The following PRKX variants were observed in gnomAD, a reference collection of about 807,000 sequenced individuals.
PRKX encodes cAMP-dependent protein kinase catalytic subunit PRKX.
Under a neutral mutation model 22.0 loss-of-function variants are expected in PRKX, and 12 were observed. That is an observed-to-expected ratio of 0.54 (90% confidence interval 0.35 to 0.88). The LOEUF is 0.88. PRKX is among the 40% of genes least tolerant of loss of function. The pLI is 0.01. For synonymous variants in PRKX, 134 were observed against 137.7 expected (o/e 0.97, Z 0.19); for missense variants, 217 against 308.0 (o/e 0.70, Z 2.21).
At chrX:3,643,090 T>A (rs1338026811) in intron 3 of PRKX, among the ~76,000 whole-genome samples, 4 of 93,141 alleles carry the variant, frequency 4.3e-5, no homozygotes, top group Non-Finnish European at 6.1e-5. Flanking sequence ...AGCTTACGTA[T>A]GTTCTCTTTG....
chrX:3,627,782 C>T (rs1926692042), intron 4 of PRKX, among the ~76,000 whole-genome samples: 1 of 110,965 alleles, frequency 9.0e-6, no homozygotes, highest in African/African-American at 3.3e-5. Context: ...AACTCTTACG[C>T]AATGTTGGTG....
chrX:3,665,680 G>A (rs896108699), intron 2 of PRKX, among the ~76,000 whole-genome samples: 4 of 110,775 alleles, frequency 3.6e-5, no homozygotes, highest in East Asian at 2.8e-4. Flanking sequence ...GGCTTAGAAA[G>A]GAGGGAAATT....
intron 1 of PRKX, among the ~76,000 whole-genome samples, chrX:3,699,466 C>T (rs753884411): frequency 3.6e-5 from 4 of 111,525 alleles, no homozygotes; most frequent in Non-Finnish European, 7.5e-5. Context: ...GATTCTCTCA[C>T]GTCAGCCTCC....
At chrX:3,662,084 G>C (rs984452800) in intron 2 of PRKX, among the ~76,000 whole-genome samples, 1 of 111,655 alleles carries the variant, frequency 9.0e-6, no homozygotes, top group African/African-American at 3.3e-5. Flanking sequence ...CATAGTATCA[G>C]GAACGGCAGA....
chrX:3,686,643 C>T (rs1928184992), intron 1 of PRKX, among the ~76,000 whole-genome samples: 1 of 110,030 alleles, frequency 9.1e-6, no homozygotes, highest in African/African-American at 3.3e-5. Context: ...CTGCAACCTC[C>T]ACCTCCTGGG....
At chrX:3,684,759 C>A (rs1193139776) in intron 1 of PRKX, among the ~76,000 whole-genome samples, 1 of 111,379 alleles carries the variant, frequency 9.0e-6, no homozygotes, top group African/African-American at 3.3e-5. Context: ...TCCCTGTGTC[C>A]TCACAGGGTC....
At chrX:3,669,579 A>C (rs1021271806) in intron 2 of PRKX, among the ~76,000 whole-genome samples, 3 of 112,266 alleles carry the variant, frequency 2.7e-5, no homozygotes, top group Non-Finnish European at 5.6e-5. Flanking sequence ...CCCATGTGTC[A>C]GCACTGCTGA....
chrX:3,666,663 C>G (rs1232798938), intron 2 of PRKX, among the ~76,000 whole-genome samples: 1 of 110,599 alleles, frequency 9.0e-6, no homozygotes, highest in African/African-American at 3.3e-5. Flanking sequence ...CCCAGCTCAA[C>G]TTGAGAGCCT....
chrX:3,677,919 C>T (rs1161949634), intron 1 of PRKX, among the ~76,000 whole-genome samples: 2 of 111,886 alleles, frequency 1.8e-5, no homozygotes, highest in Non-Finnish European at 3.8e-5. Flanking sequence ...GAAATAGTAA[C>T]ACATTTTTAA....
chrX:3,610,807 T>C (rs1926279953), intron 8 of PRKX: 1 of 111,549 alleles, frequency 9.0e-6, no homozygotes, highest in African/African-American at 3.3e-5. Context: ...GGGTCCTTCA[T>C]ACTAAAGCAA....
Position 3,670,711 on chromosome X carries a change from ATTTTTGTAC to A in PRKX, c.335+3878_335+3886del, listed in dbSNP as rs771292970. On this transcript the variant is annotated intron_variant, in intron 2 of 8. Transcript: ENST00000262848. ...CAGGCCCCCCCACCACACCCAGCTA[ATTTTTGTAC>A]TTTTTGTAGAGACAGGGTCTTGCCA... Among the ~76,000 whole-genome samples, 28 of 109,987 alleles carry A rather than the reference ATTTTTGTAC, an allele frequency of 2.5e-4. No individual in the cohort carries two copies. In the East Asian group the frequency reaches 6.4e-3, roughly 25 times the overall value.
chrX:3,662,061 A>G (rs958635388), intron 2 of PRKX, among the ~76,000 whole-genome samples: 18 of 111,913 alleles, frequency 1.6e-4, no homozygotes, highest in African/African-American at 5.8e-4. Flanking sequence ...TGTGCCAAGT[A>G]ATGTTCTCGG....
At chrX:3,699,629 C>T (rs1290542087) in intron 1 of PRKX, among the ~76,000 whole-genome samples, 1 of 112,380 alleles carries the variant, frequency 8.9e-6, no homozygotes, top group Non-Finnish European at 1.9e-5. Context: ...GCTGGGATGA[C>T]AGGAGTGAGC....
chrX:3,617,868 C>T lies in PRKX; in HGVS notation c.874-1976G>A, dbSNP rs183874309. Among the ~76,000 whole-genome samples the T allele has an allele frequency of 4.1e-4, 45 of 109,686 alleles. No homozygotes were observed. In the East Asian group the frequency reaches 0.01, roughly 25 times the overall value. ...CAGGCGTGTAACAGTCTAACACATACGTTACCTACGGCACCTAATACTTGG... is the reference window on the plus strand; with the variant it reads ...CAGGCGTGTAACAGTCTAACACATATGTTACCTACGGCACCTAATACTTGG... On this transcript the variant is annotated intron_variant, in intron 6 of 8. Coordinates refer to ENST00000262848, the MANE Select transcript of PRKX (RefSeq NM_005044.5).
At chrX:3,640,199 G>T (rs747488077) in intron 4 of PRKX, among the ~76,000 whole-genome samples, 169 of 109,204 alleles carry the variant, frequency 1.5e-3, no homozygotes, top group African/African-American at 5.4e-3. Context: ...AACAGGAAAA[G>T]AGAGAACCTA....
intron 3 of PRKX, among the ~76,000 whole-genome samples, chrX:3,651,098 G>A (rs1927322831): frequency 9.5e-6 from 1 of 105,541 alleles, no homozygotes; most frequent in African/African-American, 3.5e-5. Flanking sequence ...TCGTTACAAT[G>A]ATGGTCAAAA....
chrX:3,620,118 C>A (rs1926524054), intron 6 of PRKX, among the ~76,000 whole-genome samples: 1 of 111,775 alleles, frequency 8.9e-6, no homozygotes, highest in African/African-American at 3.3e-5. Flanking sequence ...CACCTGCGCA[C>A]ACAAAACACC....
chrX:3,694,583 G>A (rs1928408357), intron 1 of PRKX, among the ~76,000 whole-genome samples: 1 of 108,861 alleles, frequency 9.2e-6, no homozygotes, highest in East Asian at 2.9e-4. Flanking sequence ...GCCTCCAGAA[G>A]GAACTGCATA....
chrX:3,692,305 C>T (rs1928346632), intron 1 of PRKX, among the ~76,000 whole-genome samples: 1 of 110,432 alleles, frequency 9.1e-6, no homozygotes, highest in Non-Finnish European at 1.9e-5. Flanking sequence ...TCAGCATCCA[C>T]CCCCAGTAGT....
Sources: allele counts gnomAD v4.1 joint callset (sites outside exome capture counted in the v4.1 genomes callset), GRCh38; gene constraint gnomAD v4.1.1; transcripts MANE v1.5; gene names NCBI Gene and HGNC (gene_info 2026-07-23, HGNC 2026-07-21).